NELL1: variants seen among roughly 807,000 people sequenced by gnomAD.
NELL1 encodes neural EGFL like 1.
In NELL1, 76 loss-of-function variants were observed where a neutral mutation model predicts 107.4. The observed-to-expected ratio is 0.71, with a 90% CI of 0.59 to 0.86. The LOEUF (loss-of-function observed/expected upper bound fraction) is 0.86, where lower values mean the gene tolerates loss of function less well. Ranked by LOEUF, NELL1 falls within the 40% of genes least tolerant of loss-of-function variation. The pLI is 0.00. For missense variants in NELL1, 1,024 were observed against 1,005.5 expected, an observed-to-expected ratio of 1.02 and a Z score of -0.25; for synonymous variants, 353 against 341.2, an observed-to-expected ratio of 1.03 and a Z score of -0.38.
intron 2 of NELL1, among the ~76,000 whole-genome samples, chr11:20,740,702 T>C (rs1855870476): frequency 6.6e-6 from 1 of 152,234 alleles, no homozygotes; most frequent in East Asian, 1.9e-4. Context: ...ATGTCAGAAA[T>C]ATTCTTTTTC....
rs539599537 is a variant in NELL1, at chr11:20,979,754, T to C, written c.1300+19194T>C. ...TCTTCTTGGTGACTAGGAATACTCATGGGGCCACCAGGCTAACAGTAGGTA... is the reference window on the plus strand; with the variant it reads ...TCTTCTTGGTGACTAGGAATACTCACGGGGCCACCAGGCTAACAGTAGGTA... On this transcript the variant is annotated intron_variant, in intron 12 of 19. Transcript: ENST00000357134. Among the ~76,000 whole-genome samples, 49 of 152,340 alleles carry C rather than the reference T, an allele frequency of 3.2e-4. 1 individual carries two copies. In the Middle Eastern group the frequency reaches 0.01, roughly 32 times the overall value.
intron 7 of NELL1, among the ~76,000 whole-genome samples, chr11:20,922,699 T>C (rs1236305275): frequency 6.6e-6 from 1 of 152,184 alleles, no homozygotes; most frequent in Non-Finnish European, 1.5e-5. Context: ...GACAGTCATA[T>C]AGGTCATAGT....
chr11:21,323,395 T>C (rs1850057585), intron 14 of NELL1, among the ~76,000 whole-genome samples: 1 of 152,162 alleles, frequency 6.6e-6, no homozygotes, highest in Non-Finnish European at 1.5e-5. Flanking sequence ...AAGAAAGTGG[T>C]CATTTAGCCA....
At chr11:21,298,460 C>A (rs994558277) in intron 14 of NELL1, among the ~76,000 whole-genome samples, 1 of 151,968 alleles carries the variant, frequency 6.6e-6, no homozygotes, top group Non-Finnish European at 1.5e-5. Flanking sequence ...GTGAGCTCAC[C>A]TCTCTGACAC....
chr11:20,954,511 G>A (rs1443407734), intron 11 of NELL1, among the ~76,000 whole-genome samples: 1 of 152,058 alleles, frequency 6.6e-6, no homozygotes, highest in Non-Finnish European at 1.5e-5. Context: ...GTGGTTTATT[G>A]CCCCTTAGGG....
At chr11:21,212,459 C>T (rs1043054893) in intron 13 of NELL1, among the ~76,000 whole-genome samples, 2 of 152,112 alleles carry the variant, frequency 1.3e-5, no homozygotes, top group Non-Finnish European at 2.9e-5. Flanking sequence ...TAGGTTCTTC[C>T]TCTTACAACT....
intron 12 of NELL1, among the ~76,000 whole-genome samples, chr11:21,026,514 C>T (rs905930260): frequency 1.3e-5 from 2 of 152,092 alleles, no homozygotes; most frequent in African/African-American, 4.8e-5. Flanking sequence ...TATATAGTCT[C>T]CACAGCAATC....
At chr11:21,241,475 C>T (rs993043531) in intron 14 of NELL1, among the ~76,000 whole-genome samples, 12 of 152,132 alleles carry the variant, frequency 7.9e-5, no homozygotes, top group Admixed American at 3.3e-4. Context: ...TGTAAACTAG[C>T]TTAGGCTTAC....
chr11:20,840,923 A>C (rs1848610208), intron 3 of NELL1, among the ~76,000 whole-genome samples: 1 of 152,228 alleles, frequency 6.6e-6, no homozygotes, highest in Non-Finnish European at 1.5e-5. Context: ...AGGAGATGAC[A>C]GTGTTCATGC....
intron 15 of NELL1, among the ~76,000 whole-genome samples, chr11:21,515,506 A>G (rs1347604075): frequency 6.6e-6 from 1 of 152,180 alleles, no homozygotes; most frequent in Non-Finnish European, 1.5e-5. Context: ...GTTATAAAGA[A>G]CATAGAGCTC....
intron 2 of NELL1, among the ~76,000 whole-genome samples, chr11:20,736,371 C>T (rs58063099): frequency 0.015 from 2,287 of 152,252 alleles, 55 homozygotes; most frequent in African/African-American, 0.053. Flanking sequence ...CCGAGCAGAG[C>T]AACCTGTCAG....
chr11:20,779,189 T>A (rs1856808333), intron 2 of NELL1, among the ~76,000 whole-genome samples: 1 of 152,184 alleles, frequency 6.6e-6, no homozygotes, highest in Non-Finnish European at 1.5e-5. Flanking sequence ...ATAGTATATG[T>A]GGGGCCAGAA....
At chr11:20,807,411 GTC>G (rs1055510946) in intron 3 of NELL1, among the ~76,000 whole-genome samples, 1 of 152,008 alleles carries the variant, frequency 6.6e-6, no homozygotes, top group African/African-American at 2.4e-5. Context: ...AAAAAACAGA[GTC>G]TCTCTCTCTC....
intron 17 of NELL1, among the ~76,000 whole-genome samples, chr11:21,569,140 A>G (rs1857040973): frequency 6.6e-6 from 1 of 151,804 alleles, no homozygotes; most frequent in Admixed American, 6.6e-5. Context: ...CTTCATTAAA[A>G]TTATATAAGA....
At chr11:20,978,885 C>T (rs1040664835) in intron 12 of NELL1, among the ~76,000 whole-genome samples, 4 of 152,140 alleles carry the variant, frequency 2.6e-5, no homozygotes, top group African/African-American at 9.7e-5. Flanking sequence ...CTCCCAATTC[C>T]CTCCTTTTCT....
chr11:21,081,304 T>A (rs905796329), intron 12 of NELL1, among the ~76,000 whole-genome samples: 6 of 152,288 alleles, frequency 3.9e-5, no homozygotes, highest in South Asian at 2.1e-4. Flanking sequence ...TACCCTTTTT[T>A]AATAATCTTT....
chr11:21,433,599 T>C (rs1262671290), intron 15 of NELL1, among the ~76,000 whole-genome samples: 1 of 152,160 alleles, frequency 6.6e-6, no homozygotes, highest in African/African-American at 2.4e-5. Flanking sequence ...GACCTTATTA[T>C]GGTTTTTTGT....
chr11:20,687,694 C>T (rs949528326), intron 2 of NELL1, among the ~76,000 whole-genome samples: 3 of 151,804 alleles, frequency 2.0e-5, no homozygotes, highest in African/African-American at 4.8e-5. Flanking sequence ...TGGGTTCAAG[C>T]GATTCTCCTA....
chr11:21,244,618 A>T (rs747077502), intron 14 of NELL1, among the ~76,000 whole-genome samples: 8 of 152,168 alleles, frequency 5.3e-5, no homozygotes, highest in Non-Finnish European at 8.8e-5. Context: ...CAACTCTGGC[A>T]CATGTCTGAT....
Sources: gnomAD v4.1 joint callset for allele counts (sites outside exome capture counted in the v4.1 genomes callset) on GRCh38, gnomAD v4.1.1 for gene constraint, MANE v1.5 for transcripts, NCBI Gene and HGNC (gene_info 2026-07-23, HGNC 2026-07-21) for gene names.